Variants in DNAH11 observed in about 807,000 individuals in gnomAD.
DNAH11 encodes axonemal beta dynein heavy chain 11.
In DNAH11, 442 loss-of-function variants were observed where a neutral mutation model predicts 526.0. The ratio of observed to expected loss-of-function variants is 0.84; its 90% CI spans 0.78 to 0.91. DNAH11 has a LOEUF of 0.91. DNAH11 is among the 40% of genes least tolerant of loss of function. The pLI, the probability that DNAH11 is intolerant of heterozygous loss-of-function variation, is 0.00. For synonymous variants in DNAH11, 2,461 were observed against 1,935.9 expected (o/e 1.27, Z -7.12); for missense variants, 6,989 against 5,448.7 (o/e 1.28, Z -8.90).
intron 52 of DNAH11, among the ~76,000 whole-genome samples, chr7:21,749,380 G>T (rs766734099): frequency 3.3e-5 from 5 of 152,138 alleles, no homozygotes; most frequent in African/African-American, 1.2e-4. Flanking sequence ...TGAAAAAGGC[G>T]TCGCTGAATT....
chr7:21,894,875 C>T lies in DNAH11; in HGVS notation c.12934-9C>T, dbSNP rs755554937. The T allele has an allele frequency of 6.2e-7, 1 of 1,612,268 alleles. No individual in the cohort carries two copies. The highest frequency in any genetic ancestry group is 1.7e-4 in the Middle Eastern group (1 of 6,050). On this transcript the variant is annotated splice_polypyrimidine_tract_variant and intron_variant, in intron 78 of 81. Transcript: ENST00000409508. ...ATATTCACTGTGTGGCTTTTTTTCTCCATGCAAGGGGGAATTGGCATTATC... is the reference window on the plus strand; with the variant it reads ...ATATTCACTGTGTGGCTTTTTTTCTTCATGCAAGGGGGAATTGGCATTATC...
chr7:21,560,317 A>G (rs976608068), intron 4 of DNAH11, among the ~76,000 whole-genome samples: 2 of 152,206 alleles, frequency 1.3e-5, no homozygotes, highest in African/African-American at 4.8e-5. Context: ...GGATCAACTA[A>G]TAGGATATAT....
intron 54 of DNAH11, among the ~76,000 whole-genome samples, chr7:21,752,916 G>C (rs1410068353): frequency 6.6e-6 from 1 of 152,154 alleles, no homozygotes; most frequent in Non-Finnish European, 1.5e-5. Context: ...GTTTCACCAT[G>C]TTGGCCAGGC....
intron 8 of DNAH11, among the ~76,000 whole-genome samples, chr7:21,574,869 T>A (rs1305163090): frequency 2.2e-5 from 1 of 45,202 alleles, no homozygotes; most frequent in South Asian, 1.1e-3. Context: ...GCACTGGGCT[T>A]TTTTTTTTTT....
At chr7:21,820,098 C>T (rs937470619) in intron 65 of DNAH11, among the ~76,000 whole-genome samples, 7 of 152,182 alleles carry the variant, frequency 4.6e-5, no homozygotes, top group African/African-American at 1.7e-4. Flanking sequence ...CTCCTTCCCT[C>T]TTCCATGCAG....
rs1347797741 is a variant in DNAH11, at chr7:21,735,816, C to G, written c.7617C>G (p.Asn2539Lys). 19 of 1,612,848 alleles carry G rather than the reference C, an allele frequency of 1.2e-5. No individual in the cohort carries two copies. The highest frequency in any genetic ancestry group is 1.1e-5 in the South Asian group (1 of 90,902). ...ACATAGTATCCCGTGTGCCTTTCAA[C>G]TACTACACGACATCCACAGCTCTGC... ...EDYIVSRVPF[N>K]YYTTSTALQK... The change falls in exon 46 of 82, where the codon AAC (asparagine) becomes AAG (lysine). Residue 2539 changes from asparagine to lysine, a missense_variant. Transcript: ENST00000409508.
rs1295422100 is a variant in DNAH11 at position 21,579,020 on chromosome 7, G to A, written c.1594-2885G>A. On this transcript the variant is annotated intron_variant, in intron 8 of 81. Transcript: ENST00000409508. ...CAGTTCTTTCAGCTATGCCTTGAAAGTATTTCCAGGTGTTTTCTGTGACTT... is the reference window on the plus strand; with the variant it reads ...CAGTTCTTTCAGCTATGCCTTGAAAATATTTCCAGGTGTTTTCTGTGACTT... Among the ~76,000 whole-genome samples, 3 of 152,140 alleles carry A rather than the reference G, an allele frequency of 2.0e-5. No homozygotes were observed. In the South Asian group the frequency reaches 6.2e-4, roughly 31 times the overall value.
At chr7:21,826,563 C>G (rs1790309081) in intron 65 of DNAH11, among the ~76,000 whole-genome samples, 1 of 151,760 alleles carries the variant, frequency 6.6e-6, no homozygotes, top group Non-Finnish European at 1.5e-5. Context: ...CTGTTTACCT[C>G]CAACAATGAA....
intron 73 of DNAH11, among the ~76,000 whole-genome samples, chr7:21,872,165 C>T (rs1259232667): frequency 1.5e-5 from 2 of 129,342 alleles, no homozygotes; most frequent in African/African-American, 5.4e-5. Flanking sequence ...ATAATGACCA[C>T]ATTTAGCTTC....
At chr7:21,742,198 A>T in intron 49 of DNAH11, 32 bp downstream of exon 49, 1 of 1,606,274 alleles carries the variant, frequency 6.2e-7, no homozygotes, top group Non-Finnish European at 8.5e-7. Flanking sequence ...ATGCCTCTTG[A>T]GTAGAGAAAT....
intron 54 of DNAH11, among the ~76,000 whole-genome samples, chr7:21,759,292 G>C (rs1449802038): frequency 6.6e-6 from 1 of 152,176 alleles, no homozygotes; most frequent in Non-Finnish European, 1.5e-5. Flanking sequence ...GCAAAAATCT[G>C]TGATGTCCAA....
chr7:21,900,262 ATAATT>A, intron 81 of DNAH11, 142 bp downstream of exon 81: 1 of 996,038 alleles, frequency 1.0e-6, no homozygotes, highest in Non-Finnish European at 1.4e-6. Flanking sequence ...TTCCTCTTAA[ATAATT>A]TAAGTGCTGG....
At chr7:21,883,907 G>C (rs1384353845) in intron 75 of DNAH11, among the ~76,000 whole-genome samples, 5 of 152,150 alleles carry the variant, frequency 3.3e-5, no homozygotes, top group African/African-American at 9.7e-5. Context: ...GCGAGATGTA[G>C]TGTCCTGTGC....
At chr7:21,865,918 T>C (rs1339136804) in intron 70 of DNAH11, among the ~76,000 whole-genome samples, 6 of 152,234 alleles carry the variant, frequency 3.9e-5, no homozygotes, top group Non-Finnish European at 7.3e-5. Flanking sequence ...GACGTTACCA[T>C]GGCATTTGTA....
In DNAH11 at chr7:21,842,627, A is replaced by C; in HGVS notation, c.10775A>C (p.Tyr3592Ser). The change falls in exon 66 of 82, where the codon TAT (tyrosine) becomes TCT (serine). Residue 3592 changes from tyrosine to serine, a missense_variant. Coordinates refer to ENST00000409508, the MANE Select transcript of DNAH11 (RefSeq NM_001277115.2). Reference sequence around the variant, plus strand: ...CACACAAAATTGGCAAATCCTCACTATAAGCCGGAATTACAAGCTCAGACA... The same window carrying C: ...CACACAAAATTGGCAAATCCTCACTCTAAGCCGGAATTACAAGCTCAGACA... ...ILHTKLANPH[Y>S]KPELQAQTTL... is the part of the protein sequence containing the mutation. 6.2e-7 allele frequency: 1 copy of C among 1,614,014 alleles called. No individual in the cohort carries two copies. The highest frequency in any genetic ancestry group is 2.2e-5 in the East Asian group (1 of 44,886).
Position 21,748,446 on chromosome 7 carries a change from G to A in DNAH11, c.8511-134G>A, listed in dbSNP as rs568922253. The A allele has an allele frequency of 5.1e-5, 51 of 993,864 alleles. No individual in the cohort carries two copies. The African/African-American group carries it at 5.8e-4, about 11-fold the overall frequency. The allele number at this position is 993,864 out of a possible 1,614,324, so 61.6% of individuals were successfully genotyped here. A position where few individuals can be genotyped will look rare whatever the true frequency, so the allele number is the denominator to read the frequency against. ...GGAGGCTGCAATGAGCCAAGATCGC[G>A]CCACTGCACTCCGGCCTGGGCAACA... On this transcript the variant is annotated intron_variant, in intron 51 of 81. Coordinates refer to ENST00000409508, the MANE Select transcript of DNAH11 (RefSeq NM_001277115.2).
At chr7:21,864,748 GTGATGTA>G in intron 70 of DNAH11, 91 bp downstream of exon 70, 1 of 1,254,142 alleles carries the variant, frequency 8.0e-7, no homozygotes, top group Non-Finnish European at 1.1e-6. Context: ...AAGAATACAG[GTGATGTA>G]TTAAGCACCA....
Position 21,765,416 on chromosome 7 carries a change from A to T in DNAH11, c.8941-12A>T, listed in dbSNP as rs886038475. On this transcript the variant is annotated splice_polypyrimidine_tract_variant and intron_variant, in intron 54 of 81. Transcript: ENST00000409508. ...ACCCGCCTGTTTCTGCCTTGCCCCC[A>T]TGTCTCCACAGATCATTTTGTGTTT... 36 of 1,613,212 alleles carry T rather than the reference A, an allele frequency of 2.2e-5. No individual in the cohort carries two copies. Among genetic ancestry groups the T allele is most frequent in the Non-Finnish European group, 2.6e-5 (31 of 1,179,604 alleles).
At chr7:21,800,113 AACTT>A (rs1788903151) in intron 61 of DNAH11, among the ~76,000 whole-genome samples, 1 of 152,186 alleles carries the variant, frequency 6.6e-6, no homozygotes, top group Admixed American at 6.5e-5. Flanking sequence ...AGCTGCCATG[AACTT>A]CTCTTGGAGT....
Sources: gnomAD v4.1 joint callset for allele counts (sites outside exome capture counted in the v4.1 genomes callset) on GRCh38, gnomAD v4.1.1 for gene constraint, MANE v1.5 for transcripts, NCBI Gene and HGNC (gene_info 2026-07-23, HGNC 2026-07-21) for gene names.